NME7: variants seen among roughly 807,000 people sequenced by gnomAD.
The protein encoded by NME7 is nucleoside diphosphate kinase 7.
In NME7, 41 loss-of-function variants were observed where a neutral mutation model predicts 49.1. That is an observed-to-expected ratio of 0.83 (90% CI 0.65 to 1.08). NME7 has a LOEUF of 1.08. NME7 is among the 50% of genes least tolerant of loss of function. The pLI, the probability that NME7 is intolerant of heterozygous loss-of-function variation, is 0.00. For synonymous variants in NME7, 139 were observed against 150.6 expected, an observed-to-expected ratio of 0.92 and a Z score of 0.56; for missense variants, 423 against 463.4, an observed-to-expected ratio of 0.91 and a Z score of 0.80.
At chr1:169,318,816 A>C (rs1005908188) in intron 3 of NME7, among the ~76,000 whole-genome samples, 2 of 152,218 alleles carry the variant, frequency 1.3e-5, no homozygotes, top group South Asian at 2.1e-4. Flanking sequence ...GAATACCAGG[A>C]GTCTTTTTTG....
chr1:169,279,355 C>T (rs1486084527), intron 7 of NME7, among the ~76,000 whole-genome samples: 2 of 152,210 alleles, frequency 1.3e-5, no homozygotes, highest in African/African-American at 4.8e-5. Context: ...TTCGAGCTTC[C>T]AGGCTGCTTT....
At chr1:169,352,185 T>C (rs1653200796) in intron 1 of NME7, among the ~76,000 whole-genome samples, 2 of 151,716 alleles carry the variant, frequency 1.3e-5, no homozygotes, top group Admixed American at 6.6e-5. Context: ...TCTTCAAAAA[T>C]GCTAGAAAAC....
intron 7 of NME7, among the ~76,000 whole-genome samples, chr1:169,267,684 C>T (rs941393419): frequency 3.0e-5 from 4 of 133,298 alleles, no homozygotes; most frequent in African/African-American, 1.0e-4. Context: ...ACTCCCTATT[C>T]AATAAATGAT....
At chr1:169,262,298 A>C (rs1649188771) in intron 7 of NME7, among the ~76,000 whole-genome samples, 2 of 134,694 alleles carry the variant, frequency 1.5e-5, no homozygotes. Flanking sequence ...ATGAAGCCAC[A>C]TGAATAACTC....
chr1:169,315,155 T>C (rs770614117), intron 3 of NME7, among the ~76,000 whole-genome samples: 1 of 152,098 alleles, frequency 6.6e-6, no homozygotes, highest in Non-Finnish European at 1.5e-5. Context: ...TTAGTAAATA[T>C]GTGAAAGATT....
intron 7 of NME7, among the ~76,000 whole-genome samples, chr1:169,240,480 TA>T (rs760189685): frequency 3.4e-4 from 52 of 152,198 alleles, no homozygotes; most frequent in Non-Finnish European, 7.5e-4. Flanking sequence ...TAACTGTGTA[TA>T]TTTTCCTTTA....
chr1:169,262,195 A>G lies in NME7; in HGVS notation c.755-24508T>C, dbSNP rs1018122880. Among the ~76,000 whole-genome samples the G allele has an allele frequency of 2.6e-4, 35 of 133,922 alleles. 5 individuals are homozygous for G. Among genetic ancestry groups the G allele is most frequent in the African/African-American group, 7.8e-4 (31 of 39,570 alleles). The allele number at this position is 133,922 out of a possible 152,430, so 87.9% of individuals were successfully genotyped here. On this transcript the variant is annotated intron_variant, in intron 7 of 11. Coordinates refer to ENST00000367811, the MANE Select transcript of NME7 (RefSeq NM_013330.5). The stretch of plus-strand genomic sequence containing the variant: ...ACCATCCGGTAAAGAAGCTCAGGCT[A>G]TACTACTGAATGATGAGAGGCCACA...
chr1:169,358,995 T>G (rs1335718751), intron 1 of NME7, among the ~76,000 whole-genome samples: 1 of 152,100 alleles, frequency 6.6e-6, no homozygotes, highest in Non-Finnish European at 1.5e-5. Flanking sequence ...ACAGAACAAA[T>G]TAATAAATGG....
intron 10 of NME7, among the ~76,000 whole-genome samples, chr1:169,181,997 A>T (rs1487066689): frequency 6.6e-6 from 1 of 151,800 alleles, no homozygotes; most frequent in African/African-American, 2.4e-5. Context: ...CACTACTATC[A>T]TATATCTTTA....
intron 7 of NME7, among the ~76,000 whole-genome samples, chr1:169,243,968 T>C (rs1648197906): frequency 6.6e-6 from 1 of 152,006 alleles, no homozygotes; most frequent in South Asian, 2.1e-4. Flanking sequence ...GAGCCTAAGA[T>C]TATATTATAA....
intron 6 of NME7, among the ~76,000 whole-genome samples, chr1:169,297,545 T>C (rs144814632): frequency 1.9e-3 from 294 of 152,234 alleles, no homozygotes; most frequent in African/African-American, 6.7e-3. Context: ...ATTCAAGGAA[T>C]AGCGAGATGG....
At chr1:169,184,785 C>T (rs1009206786) in intron 10 of NME7, among the ~76,000 whole-genome samples, 4 of 152,020 alleles carry the variant, frequency 2.6e-5, no homozygotes, top group Non-Finnish European at 5.9e-5. Flanking sequence ...AATAAACAGT[C>T]GGTGATGTGC....
At chr1:169,285,955 G>A (rs896369098) in intron 7 of NME7, 9 of 152,030 alleles carry the variant, frequency 5.9e-5, no homozygotes, top group Non-Finnish European at 7.4e-5. Flanking sequence ...AAATATTTAC[G>A]TATAAAGATA....
intron 7 of NME7, among the ~76,000 whole-genome samples, chr1:169,283,346 A>C (rs906034531): frequency 3.3e-5 from 5 of 152,052 alleles, no homozygotes; most frequent in African/African-American, 1.2e-4. Flanking sequence ...TGTCTTTGCA[A>C]GTGAGATGGG....
intron 3 of NME7, among the ~76,000 whole-genome samples, 198 bp from the exon 4 acceptor site, chr1:169,310,278 T>C (rs2101920730): frequency 6.6e-6 from 1 of 152,196 alleles, no homozygotes; most frequent in African/African-American, 2.4e-5. Context: ...ACATCAAAAT[T>C]AGATACTAAA....
chr1:169,339,953 G>A (rs781418465), intron 1 of NME7, among the ~76,000 whole-genome samples: 1 of 152,152 alleles, frequency 6.6e-6, no homozygotes, highest in Non-Finnish European at 1.5e-5. Context: ...TTCCATTACA[G>A]CTGCTCTCTG....
intron 11 of NME7, among the ~76,000 whole-genome samples, chr1:169,162,822 G>C (rs1659290560): frequency 6.6e-6 from 1 of 152,126 alleles, no homozygotes; most frequent in East Asian, 1.9e-4. Context: ...CCAGGAGACA[G>C]GGTGAGACCT....
At chr1:169,277,036 C>G (rs1220034423) in intron 7 of NME7, among the ~76,000 whole-genome samples, 4 of 150,368 alleles carry the variant, frequency 2.7e-5, no homozygotes, top group African/African-American at 9.8e-5. Context: ...AGTTTGATTG[C>G]ACTGTGGTCT....
At chr1:169,276,282 C>T (rs1331424861) in intron 7 of NME7, among the ~76,000 whole-genome samples, 1 of 133,332 alleles carries the variant, frequency 7.5e-6, no homozygotes, top group African/African-American at 2.5e-5. Flanking sequence ...CTCCTTGTAC[C>T]TCTGGTACAA....
Sources: gnomAD v4.1 joint callset for allele counts (sites outside exome capture counted in the v4.1 genomes callset) on GRCh38, gnomAD v4.1.1 for gene constraint, MANE v1.5 for transcripts, NCBI Gene and HGNC (gene_info 2026-07-23, HGNC 2026-07-21) for gene names.